Variants in WWOX observed in about 807,000 individuals in gnomAD.
WWOX encodes the protein WW domain containing oxidoreductase, also known as WW domain-containing oxidoreductase.
A neutral mutation model predicts 46.2 loss-of-function variants in WWOX; 69 were observed. That is an observed-to-expected ratio of 1.49 (90% CI 1.23 to 1.82). The LOEUF (loss-of-function observed/expected upper bound fraction) is 1.82. WWOX is among the 40% of genes most tolerant of loss of function. The pLI is 0.00. For synonymous variants in WWOX, 359 were observed against 202.6 expected (o/e 1.77, Z -6.56); for missense variants, 919 against 542.6 (o/e 1.69, Z -6.89).
At chr16:79,167,675 A>G (rs183921916) in intron 8 of WWOX, among the ~76,000 whole-genome samples, 2 of 152,240 alleles carry the variant, frequency 1.3e-5, no homozygotes, top group African/African-American at 2.4e-5. Context: ...ATTCAAATTC[A>G]GGCCACAATG....
In WWOX at chr16:78,641,901, A is replaced by C. The variant is rs552217727; in HGVS notation, c.1056+209149A>C. Among the ~76,000 whole-genome samples, 3 of 152,366 alleles carry C rather than the reference A, an allele frequency of 2.0e-5. No individual in the cohort carries two copies. The East Asian group carries it at 5.8e-4, about 29-fold the overall frequency. The stretch of plus-strand genomic sequence containing the variant: ...ATTATTTCTGTGCACAGGCAGTATT[A>C]GAGGAGTGGCTTACCAAATAGATCT... On this transcript the variant is annotated intron_variant, in intron 8 of 8. Coordinates refer to ENST00000566780, the MANE Select transcript of WWOX (RefSeq NM_016373.4).
intron 8 of WWOX, among the ~76,000 whole-genome samples, chr16:79,029,761 A>G (rs999560607): frequency 5.3e-5 from 8 of 152,300 alleles, no homozygotes; most frequent in African/African-American, 1.4e-4. Context: ...AGGAATCTCA[A>G]TTATTAATTG....
intron 5 of WWOX, among the ~76,000 whole-genome samples, chr16:78,255,140 C>G (rs1227829781): frequency 6.6e-6 from 1 of 152,158 alleles, no homozygotes; most frequent in Non-Finnish European, 1.5e-5. Context: ...CTCTGATTTT[C>G]TAGACCATTT....
intron 5 of WWOX, among the ~76,000 whole-genome samples, chr16:78,313,322 C>T (rs1274622551): frequency 6.6e-6 from 1 of 152,176 alleles, no homozygotes; most frequent in African/African-American, 2.4e-5. Context: ...AACGTCTGAA[C>T]AGTGCTGGCT....
At chr16:78,373,161 C>T (rs2081734682) in intron 5 of WWOX, among the ~76,000 whole-genome samples, 1 of 152,130 alleles carries the variant, frequency 6.6e-6, no homozygotes, top group Non-Finnish European at 1.5e-5. Flanking sequence ...AGCCAGCACA[C>T]AATGACATTT....
chr16:79,053,716 T>G (rs965716069), intron 8 of WWOX, among the ~76,000 whole-genome samples: 1 of 152,212 alleles, frequency 6.6e-6, no homozygotes, highest in African/African-American at 2.4e-5. Context: ...CATCAGTAAG[T>G]GCAATTTAGA....
intron 8 of WWOX, among the ~76,000 whole-genome samples, chr16:79,094,970 C>G (rs915182208): frequency 1.3e-5 from 2 of 152,104 alleles, no homozygotes; most frequent in East Asian, 3.9e-4. Context: ...CTTCTGAATT[C>G]TTCGGGCACA....
At chr16:78,323,592 T>G (rs1244109090) in intron 5 of WWOX, among the ~76,000 whole-genome samples, 1 of 152,178 alleles carries the variant, frequency 6.6e-6, no homozygotes, top group Non-Finnish European at 1.5e-5. Context: ...TGAGCTGTCC[T>G]CTAAGTGAAT....
chr16:78,239,431 C>G (rs2037553851), intron 5 of WWOX, among the ~76,000 whole-genome samples: 2 of 152,204 alleles, frequency 1.3e-5, no homozygotes, highest in South Asian at 4.1e-4. Context: ...TGTGTTCCTG[C>G]TCATGGGACT....
At chr16:78,496,636 A>T (rs1224508650) in intron 8 of WWOX, among the ~76,000 whole-genome samples, 1 of 152,162 alleles carries the variant, frequency 6.6e-6, no homozygotes, top group African/African-American at 2.4e-5. Context: ...GAAGGGAGGG[A>T]TGCATTCTAT....
At chr16:78,944,866 G>C (rs561006180) in intron 8 of WWOX, among the ~76,000 whole-genome samples, 2 of 152,172 alleles carry the variant, frequency 1.3e-5, no homozygotes, top group South Asian at 2.1e-4. Context: ...GAACACAGAA[G>C]GGAGATTCTA....
intron 8 of WWOX, chr16:78,780,403 G>C (rs1414975258): frequency 6.6e-6 from 1 of 152,124 alleles, no homozygotes; most frequent in Non-Finnish European, 1.5e-5. Context: ...TCATCCTTTG[G>C]ATGTCTTGCA....
intron 4 of WWOX, among the ~76,000 whole-genome samples, chr16:78,133,558 G>C (rs921432249): frequency 3.9e-5 from 6 of 152,154 alleles, no homozygotes; most frequent in African/African-American, 1.4e-4. Flanking sequence ...ACCATGCCTA[G>C]CTGATTTTTG....
At chr16:78,715,185 C>G (rs2048532435) in intron 8 of WWOX, among the ~76,000 whole-genome samples, 1 of 152,152 alleles carries the variant, frequency 6.6e-6, no homozygotes, top group Non-Finnish European at 1.5e-5. Flanking sequence ...GAAGATTTAT[C>G]AGTGAGAAAA....
chr16:78,731,196 C>T (rs1004627339), intron 8 of WWOX, among the ~76,000 whole-genome samples: 10 of 152,072 alleles, frequency 6.6e-5, no homozygotes, highest in African/African-American at 2.4e-4. Context: ...GCTAATATTT[C>T]ATTATCTGTA....
chr16:78,278,523 T>G, intron 5 of WWOX: 1 of 1,393,440 alleles, frequency 7.2e-7, no homozygotes, highest in Non-Finnish European at 9.8e-7. Flanking sequence ...AAAACTTATC[T>G]TTGGAATGCT....
In WWOX at chr16:78,991,600, C is replaced by CAA. The variant is rs57514915; in HGVS notation, c.1057-219994_1057-219993dup. 3.8e-4 allele frequency among the ~76,000 whole-genome samples: 30 copies of CAA among 78,166 alleles called. 3 individuals carry two copies. The highest frequency in any genetic ancestry group is 1.4e-3 in the African/African-American group (29 of 20,256). 51.3% of individuals were successfully genotyped at this position (78,166 alleles called of 152,430 possible). A position where few individuals can be genotyped will look rare whatever the true frequency, so the allele number is the denominator to read the frequency against. On this transcript the variant is annotated intron_variant, in intron 8 of 8. Coordinates refer to ENST00000566780, the MANE Select transcript of WWOX (RefSeq NM_016373.4). The stretch of plus-strand genomic sequence containing the variant: ...TGGGAGACACAGCAAGACCTTGTCT[C>CAA]AAAAAAAAAAAAAAAGCCAGATTCT...
intron 8 of WWOX, among the ~76,000 whole-genome samples, chr16:78,572,626 A>AAG (rs397798169): frequency 1.3e-5 from 2 of 149,416 alleles, no homozygotes; most frequent in Non-Finnish European, 1.5e-5. Flanking sequence ...AAAAAAAAAA[A>AAG]GCATTTACAT....
intron 5 of WWOX, chr16:78,355,443 G>A (rs999461078): frequency 1.1e-4 from 35 of 313,488 alleles, no homozygotes; most frequent in Non-Finnish European, 2.1e-4. Flanking sequence ...TCTACTAAAA[G>A]TACAAAAAAT....
Sources: allele counts gnomAD v4.1 joint callset (sites outside exome capture counted in the v4.1 genomes callset), GRCh38; gene constraint gnomAD v4.1.1; transcripts MANE v1.5; gene names NCBI Gene and HGNC (gene_info 2026-07-23, HGNC 2026-07-21).